Variants in CENPW observed in about 807,000 individuals in gnomAD.
The protein encoded by CENPW is centromere protein W, also known as cancer-up-regulated gene 2 protein.
Under a neutral mutation model 11.1 loss-of-function variants are expected in CENPW, and 3 were observed. The observed-to-expected ratio is 0.27, with a 90% CI of 0.12 to 0.70. The LOEUF (loss-of-function observed/expected upper bound fraction) is 0.70. CENPW is among the 30% of genes least tolerant of loss of function. The pLI is 0.77. For synonymous variants in CENPW, 38 were observed against 42.0 expected, an observed-to-expected ratio of 0.91 and a Z score of 0.37; for missense variants, 100 against 105.6, an observed-to-expected ratio of 0.95 and a Z score of 0.23.
the CENPW span, among the ~76,000 whole-genome samples, chr6:126,362,007 A>G: frequency 5.3e-5 from 8 of 152,138 alleles, no homozygotes; most frequent in African/African-American, 1.9e-4. Context: ...GAAAGTACTC[A>G]GGTGTATTAG....
At chr6:126,346,158 C>T (rs1415170806) in intron 1 of CENPW, 47 bp from the exon 2 acceptor site, 2 of 942,528 alleles carry the variant, frequency 2.1e-6, no homozygotes, top group Non-Finnish European at 3.3e-6. Flanking sequence ...TATTTCAATG[C>T]ATCAGTATTT....
chr6:126,426,705 AAT>A, the CENPW span, among the ~76,000 whole-genome samples: 1 of 152,146 alleles, frequency 6.6e-6, no homozygotes, highest in Non-Finnish European at 1.5e-5. Context: ...TACCTCAAAC[AAT>A]ATACAAAAAT....
the CENPW span, among the ~76,000 whole-genome samples, chr6:126,367,176 T>C: frequency 1.3e-5 from 2 of 152,048 alleles, no homozygotes; most frequent in African/African-American, 4.8e-5. Context: ...TAAAATTTTA[T>C]TTTATTAATT....
chr6:126,350,423 A>G (rs532154230), downstream of CENPW, among the ~76,000 whole-genome samples: 1 of 152,226 alleles, frequency 6.6e-6, no homozygotes, highest in African/African-American at 2.4e-5. Context: ...GGAGGAAAAA[A>G]GGCCAGAGAG....
chr6:126,477,419 G>C, the CENPW span, among the ~76,000 whole-genome samples: 8 of 151,994 alleles, frequency 5.3e-5, no homozygotes, highest in African/African-American at 1.9e-4. Flanking sequence ...TTTAATTTTA[G>C]CTTCTGAACT....
the CENPW span, among the ~76,000 whole-genome samples, chr6:126,391,867 AC>A: frequency 6.6e-6 from 1 of 151,988 alleles, no homozygotes; most frequent in East Asian, 1.9e-4. Flanking sequence ...TGTTTTGGGT[AC>A]TATAGCTGTG....
chr6:126,387,104 TTAAC>T, the CENPW span, among the ~76,000 whole-genome samples: 15 of 152,122 alleles, frequency 9.9e-5, no homozygotes, highest in African/African-American at 2.6e-4. Context: ...TGATTATAAA[TTAAC>T]TAAGAGATTT....
the CENPW span, among the ~76,000 whole-genome samples, chr6:126,433,270 T>C: frequency 6.6e-6 from 1 of 152,218 alleles, no homozygotes; most frequent in Admixed American, 6.5e-5. Context: ...TTTAATTCTG[T>C]CTTTCCCTCA....
chr6:126,357,361 A>G, the CENPW span, among the ~76,000 whole-genome samples: 1 of 152,130 alleles, frequency 6.6e-6, no homozygotes, highest in Non-Finnish European at 1.5e-5. Flanking sequence ...ATCACGTGGT[A>G]TGATGCTTCC....
chr6:126,422,375 G>A, the CENPW span, among the ~76,000 whole-genome samples: 3 of 152,004 alleles, frequency 2.0e-5, no homozygotes, highest in Non-Finnish European at 4.4e-5. Flanking sequence ...TCTGGAGACC[G>A]GAAATCTAAG....
intron 1 of CENPW, among the ~76,000 whole-genome samples, chr6:126,342,733 G>A (rs903294659): frequency 1.3e-5 from 2 of 151,842 alleles, no homozygotes; most frequent in Non-Finnish European, 2.9e-5. Flanking sequence ...TTCTTTATGG[G>A]TTTGATTCTG....
At chr6:126,467,504 A>AG in the CENPW span, among the ~76,000 whole-genome samples, 1 of 152,236 alleles carries the variant, frequency 6.6e-6, no homozygotes, top group Non-Finnish European at 1.5e-5. Context: ...AGTATGTCAA[A>AG]GGGAAACAAG....
At chr6:126,397,709 T>G in the CENPW span, among the ~76,000 whole-genome samples, 1 of 152,174 alleles carries the variant, frequency 6.6e-6, no homozygotes, top group Admixed American at 6.5e-5. Flanking sequence ...ATCATTCTGA[T>G]GTTTAAAACC....
chr6:126,475,404 T>A, the CENPW span, among the ~76,000 whole-genome samples: 1 of 152,038 alleles, frequency 6.6e-6, no homozygotes, highest in Non-Finnish European at 1.5e-5. Context: ...GATACAAATT[T>A]TTTTAAAAAA....
the CENPW span, among the ~76,000 whole-genome samples, chr6:126,473,327 A>C: frequency 6.6e-6 from 1 of 152,176 alleles, no homozygotes; most frequent in African/African-American, 2.4e-5. Context: ...TTAGCTCTAT[A>C]AAAAATTGGC....
At chr6:126,473,619 G>C in the CENPW span, among the ~76,000 whole-genome samples, 1 of 151,840 alleles carries the variant, frequency 6.6e-6, no homozygotes, top group Non-Finnish European at 1.5e-5. Flanking sequence ...TTTAATTCCA[G>C]CTACTTTGGA....
At chr6:126,478,452 A>C in the CENPW span, among the ~76,000 whole-genome samples, 14 of 151,726 alleles carry the variant, frequency 9.2e-5, no homozygotes, top group Non-Finnish European at 1.5e-4. Flanking sequence ...GTGTATAAAG[A>C]AAGCCATTTG....
chr6:126,382,245 A>C, the CENPW span, among the ~76,000 whole-genome samples: 1 of 150,112 alleles, frequency 6.7e-6, no homozygotes, highest in Non-Finnish European at 1.5e-5. Flanking sequence ...CAAAAAAAAT[A>C]TATATATATA....
the CENPW span, among the ~76,000 whole-genome samples, chr6:126,466,699 G>C: frequency 6.6e-6 from 1 of 151,960 alleles, no homozygotes; most frequent in Non-Finnish European, 1.5e-5. Flanking sequence ...ATATTGAGTT[G>C]ATTTTTATAT....
Sources: gnomAD v4.1 joint callset for allele counts (sites outside exome capture counted in the v4.1 genomes callset) on GRCh38, gnomAD v4.1.1 for gene constraint, MANE v1.5 for transcripts, NCBI Gene and HGNC (gene_info 2026-07-23, HGNC 2026-07-21) for gene names.